Variants in PRH1 observed in about 807,000 individuals in gnomAD.
The protein encoded by PRH1 is salivary acidic proline-rich phosphoprotein 1/2.
In PRH1, 7 loss-of-function variants were observed where a neutral mutation model predicts 7.9. That is an observed-to-expected ratio of 0.89 (90% CI 0.50 to 1.67). The LOEUF (loss-of-function observed/expected upper bound fraction) is 1.67, where lower values mean the gene tolerates loss of function less well. Ranked by LOEUF, PRH1 falls within the 40% of genes most tolerant of loss-of-function variation. The probability of loss-of-function intolerance (pLI) is 0.00; values close to 1 mark genes in which losing one functional copy is unlikely to be tolerated. For missense variants in PRH1, 109 were observed against 223.6 expected, an observed-to-expected ratio of 0.49 and a Z score of 3.27; for synonymous variants, 45 against 80.8, an observed-to-expected ratio of 0.56 and a Z score of 2.38.
rs751769448 is a variant in PRH1 at position 10,909,221 on chromosome 12, A to G, written c.-58-24946T>C. 8.7e-6 allele frequency: 14 copies of G among 1,613,588 alleles called. No homozygotes were observed. In the African/African-American group the frequency reaches 1.7e-4, roughly 20 times the overall value. ...AGTCAATGCAGTTGATCAGTACTATAAATCCATTGCTCAAATTCCCAATTA... is the reference window on the plus strand; with the variant it reads ...AGTCAATGCAGTTGATCAGTACTATGAATCCATTGCTCAAATTCCCAATTA... On this transcript the variant is annotated intron_variant, in intron 2 of 3. Coordinates refer to the PRH1 transcript ENST00000539853.
intron 1 of PRH1, among the ~76,000 whole-genome samples, chr12:11,139,255 A>G (rs973201378): frequency 6.6e-6 from 1 of 152,174 alleles, no homozygotes; most frequent in Non-Finnish European, 1.5e-5. Flanking sequence ...TAAAAACAGT[A>G]AGAAAAAATT....
intron 1 of PRH1, among the ~76,000 whole-genome samples, chr12:11,044,646 T>C (rs1942841561): frequency 6.6e-6 from 1 of 152,072 alleles, no homozygotes; most frequent in Non-Finnish European, 1.5e-5. Context: ...GATTTGAATA[T>C]GCATTTCTCA....
intron 2 of PRH1, among the ~76,000 whole-genome samples, chr12:10,928,730 T>G (rs1477274687): frequency 1.3e-5 from 2 of 152,144 alleles, no homozygotes; most frequent in Non-Finnish European, 2.9e-5. Context: ...AGAAAGCATC[T>G]CTATTACATG....
At chr12:10,928,012 A>C (rs1277845462) in intron 2 of PRH1, among the ~76,000 whole-genome samples, 1 of 152,210 alleles carries the variant, frequency 6.6e-6, no homozygotes, top group Non-Finnish European at 1.5e-5. Context: ...AATGAAAATA[A>C]AGATAGTGAG....
At chr12:11,049,593 C>A (rs116040760), upstream of PRH1, among the ~76,000 whole-genome samples, 3,210 of 152,104 alleles carry the variant, frequency 0.021, 119 homozygotes, top group African/African-American at 0.072. Context: ...CAAATAAAGG[C>A]ATTTTTTTAA....
intron 1 of PRH1, among the ~76,000 whole-genome samples, chr12:11,069,438 TC>T (rs1565618414): frequency 1.3e-5 from 2 of 148,864 alleles, no homozygotes. Flanking sequence ...TCTTGGGCAA[TC>T]TCATGTTTTC....
chr12:11,064,781 T>C (rs1943743780), intron 1 of PRH1, among the ~76,000 whole-genome samples: 1 of 152,108 alleles, frequency 6.6e-6, no homozygotes, highest in Non-Finnish European at 1.5e-5. Flanking sequence ...AAAAAGTCCT[T>C]TTATTGGCAA....
At chr12:10,950,560 A>G (rs1004398273) in intron 2 of PRH1, among the ~76,000 whole-genome samples, 4 of 151,788 alleles carry the variant, frequency 2.6e-5, no homozygotes, top group African/African-American at 7.2e-5. Flanking sequence ...TATTTAATAT[A>G]CTTATTTGTA....
At chr12:11,071,551 C>T (rs1403283092) in intron 1 of PRH1, among the ~76,000 whole-genome samples, 5 of 152,200 alleles carry the variant, frequency 3.3e-5, no homozygotes, top group Admixed American at 3.3e-4. Context: ...AGTCCTAAAG[C>T]TAACCTTTCA....
chr12:10,888,858 G>A (rs1014446771), upstream of PRH1, among the ~76,000 whole-genome samples: 10 of 152,040 alleles, frequency 6.6e-5, no homozygotes, highest in Non-Finnish European at 1.0e-4. Context: ...TAATTTTTAG[G>A]TCAAAATGAA....
chr12:10,932,123 CA>C, intron 2 of PRH1: 1 of 335,230 alleles, frequency 3.0e-6, no homozygotes, highest in Non-Finnish European at 6.7e-6. Context: ...GGATAGAGGG[CA>C]AAAGGATGGT....
intron 1 of PRH1, among the ~76,000 whole-genome samples, chr12:11,059,000 G>A (rs144179259): frequency 3.9e-5 from 6 of 152,172 alleles, no homozygotes; most frequent in Non-Finnish European, 8.8e-5. Flanking sequence ...GACTTGAATG[G>A]AACACCACAC....
intron 2 of PRH1, among the ~76,000 whole-genome samples, chr12:10,966,564 G>C (rs555916209): frequency 6.6e-6 from 1 of 152,278 alleles, no homozygotes; most frequent in South Asian, 2.1e-4. Context: ...CTAATTCCAA[G>C]ATGCAGAACT....
At chr12:11,041,726 G>T (rs918891724) in intron 1 of PRH1, among the ~76,000 whole-genome samples, 1 of 152,168 alleles carries the variant, frequency 6.6e-6, no homozygotes, top group Non-Finnish European at 1.5e-5. Flanking sequence ...CCATATGTTA[G>T]ATCACAAAAC....
At chr12:10,900,924 T>C (rs535936980) in intron 2 of PRH1, among the ~76,000 whole-genome samples, 27 of 152,208 alleles carry the variant, frequency 1.8e-4, no homozygotes, top group Non-Finnish European at 3.7e-4. Context: ...ACGTAGGTCA[T>C]GGTGCAATGG....
intron 2 of PRH1, among the ~76,000 whole-genome samples, chr12:10,911,798 A>G (rs542016322): frequency 1.3e-5 from 2 of 152,312 alleles, no homozygotes; most frequent in Admixed American, 1.3e-4. Flanking sequence ...TAAATGCTAT[A>G]GTATAAAGTG....
downstream of PRH1, among the ~76,000 whole-genome samples, chr12:11,117,154 A>G (rs1945754150): frequency 6.6e-6 from 1 of 152,136 alleles, no homozygotes; most frequent in South Asian, 2.1e-4. Context: ...ATATGATCTT[A>G]TATTTGTAAA....
intron 1 of PRH1, among the ~76,000 whole-genome samples, chr12:11,129,564 C>T (rs1946263188): frequency 1.3e-5 from 2 of 151,750 alleles, no homozygotes; most frequent in Admixed American, 1.3e-4. Flanking sequence ...CTGGCCTCTA[C>T]CAAAACCAGA....
At chr12:11,109,215 T>C (rs1039688254) in intron 1 of PRH1, among the ~76,000 whole-genome samples, 3 of 152,146 alleles carry the variant, frequency 2.0e-5, no homozygotes, top group African/African-American at 7.2e-5. Flanking sequence ...ACAGAGCACC[T>C]GGGAGAAGGG....
Sources: gnomAD v4.1 joint callset for allele counts (sites outside exome capture counted in the v4.1 genomes callset) on GRCh38, gnomAD v4.1.1 for gene constraint, MANE v1.5 for transcripts, NCBI Gene and HGNC (gene_info 2026-07-23, HGNC 2026-07-21) for gene names.